Variants in STAG1 observed in about 807,000 individuals in gnomAD.
STAG1 encodes cohesin subunit SA-1.
A neutral mutation model predicts 170.9 loss-of-function variants in STAG1; 26 were observed. The ratio of observed to expected loss-of-function variants is 0.15; its 90% CI spans 0.11 to 0.21. STAG1 has a LOEUF of 0.21. Ranked by LOEUF, STAG1 falls within the 10% of genes least tolerant of loss-of-function variation. The pLI, the probability that STAG1 is intolerant of heterozygous loss-of-function variation, is 1.00. For missense variants in STAG1, 964 were observed against 1,509.5 expected (o/e 0.64, Z 5.99); for synonymous variants, 514 against 497.7 (o/e 1.03, Z -0.44).
At chr3:136,665,605 C>T (rs1201893428) in intron 1 of STAG1, among the ~76,000 whole-genome samples, 1 of 150,880 alleles carries the variant, frequency 6.6e-6, no homozygotes, top group Non-Finnish European at 1.5e-5. Context: ...CAGTGAAACC[C>T]CATCTCTACT....
At chr3:136,426,064 T>C (rs2088112683) in intron 16 of STAG1, among the ~76,000 whole-genome samples, 1 of 151,702 alleles carries the variant, frequency 6.6e-6, no homozygotes, top group African/African-American at 2.4e-5. Flanking sequence ...TGCAGATTTT[T>C]TTCAATAAAC....
chr3:136,593,137 ATGC>A (rs775376234), intron 4 of STAG1, among the ~76,000 whole-genome samples: 1 of 152,156 alleles, frequency 6.6e-6, no homozygotes, highest in Non-Finnish European at 1.5e-5. Context: ...CCAAAAAGGT[ATGC>A]TCACTAAAGT....
At chr3:136,651,663 T>C (rs1202430095) in intron 1 of STAG1, among the ~76,000 whole-genome samples, 1 of 152,024 alleles carries the variant, frequency 6.6e-6, no homozygotes, top group East Asian at 1.9e-4. Context: ...GCAGAAGATA[T>C]AAACCAATAG....
At chr3:136,723,656 G>C (rs558903760) in intron 1 of STAG1, among the ~76,000 whole-genome samples, 32 of 146,528 alleles carry the variant, frequency 2.2e-4, no homozygotes, top group Non-Finnish European at 3.6e-4. Flanking sequence ...GGAGGGAGGT[G>C]GGGGGGTCAG....
intron 9 of STAG1, among the ~76,000 whole-genome samples, chr3:136,478,677 C>G (rs186361491): frequency 7.2e-5 from 11 of 152,236 alleles, no homozygotes; most frequent in Non-Finnish European, 1.5e-4. Flanking sequence ...AGTCTCAGTT[C>G]TCTCTAGGCT....
intron 5 of STAG1, among the ~76,000 whole-genome samples, chr3:136,544,866 C>A (rs1470971606): frequency 6.6e-6 from 1 of 152,110 alleles, no homozygotes; most frequent in East Asian, 1.9e-4. Flanking sequence ...ACACACTTAG[C>A]AAAAGATCCT....
intron 4 of STAG1, among the ~76,000 whole-genome samples, chr3:136,585,540 T>C (rs1048224554): frequency 6.6e-6 from 1 of 151,894 alleles, no homozygotes; most frequent in Non-Finnish European, 1.5e-5. Flanking sequence ...TTGAATGCAG[T>C]GAGCTGAGAT....
At chr3:136,708,265 G>A (rs567828094) in intron 1 of STAG1, among the ~76,000 whole-genome samples, 3 of 151,962 alleles carry the variant, frequency 2.0e-5, no homozygotes, top group Non-Finnish European at 2.9e-5. Flanking sequence ...AATAAATGTG[G>A]TATATACATA....
chr3:136,372,031 T>C (rs937249094), intron 23 of STAG1, among the ~76,000 whole-genome samples: 2 of 152,342 alleles, frequency 1.3e-5, no homozygotes, highest in East Asian at 1.9e-4. Flanking sequence ...TTTTATTTCA[T>C]TGAGCAGTGG....
At chr3:136,615,422 T>TC (rs1391170428) in intron 3 of STAG1, among the ~76,000 whole-genome samples, 2 of 26,654 alleles carry the variant, frequency 7.5e-5, no homozygotes, top group Non-Finnish European at 1.4e-4. Flanking sequence ...CAAGACTTTG[T>TC]CCAAAAAAAA....
At chr3:136,743,641 G>A (rs1375988132) in intron 1 of STAG1, among the ~76,000 whole-genome samples, 1 of 151,902 alleles carries the variant, frequency 6.6e-6, no homozygotes, top group Non-Finnish European at 1.5e-5. Flanking sequence ...AAGTCCAGAT[G>A]GCTTATCACT....
At chr3:136,662,788 C>G (rs1352890434) in intron 1 of STAG1, among the ~76,000 whole-genome samples, 1 of 152,160 alleles carries the variant, frequency 6.6e-6, no homozygotes, top group East Asian at 1.9e-4. Flanking sequence ...TGGTCGCTAA[C>G]ATCTGTTAAT....
intron 1 of STAG1, among the ~76,000 whole-genome samples, chr3:136,704,350 C>A (rs549697766): frequency 6.1e-4 from 92 of 152,060 alleles, no homozygotes; most frequent in Non-Finnish European, 1.2e-3. Flanking sequence ...CGAGCCCAGG[C>A]ATGATTTTTT....
At position 136,443,315 on chromosome 3, in the gene STAG1, T is replaced by C. The variant is rs184801781; in HGVS notation, c.1518A>G (p.Leu506=). 4.3e-6 allele frequency: 7 copies of C among 1,613,338 alleles called. No homozygotes were observed. Among genetic ancestry groups the C allele is most frequent in the East Asian group, 4.5e-5 (2 of 44,840 alleles). Residue 506 remains leucine (L), a synonymous_variant, in exon 15 of 34, where the codon CTA becomes CTG. Coordinates refer to ENST00000383202, the MANE Select transcript of STAG1 (RefSeq NM_005862.3). The stretch of plus-strand genomic sequence containing the variant: ...CCTCTCCTTGAACAGGTTCTTCTAA[T>C]AGCAACTCTGTCATACATTCCCAGT... ...LKDWECMTEL[L]LEEPVQGEEA... is the part of the protein sequence containing the mutation.
chr3:136,589,236 C>T (rs1337731303), intron 4 of STAG1, among the ~76,000 whole-genome samples: 2 of 152,240 alleles, frequency 1.3e-5, no homozygotes, highest in East Asian at 1.9e-4. Flanking sequence ...CAGTGGCACA[C>T]GCCTGTAATC....
intron 1 of STAG1, among the ~76,000 whole-genome samples, chr3:136,635,962 C>T (rs1484973386): frequency 1.3e-5 from 2 of 151,914 alleles, no homozygotes; most frequent in Admixed American, 6.6e-5. Context: ...GTAAGAAATC[C>T]AGAGGCCGGG....
Position 136,604,444 on chromosome 3 carries a change from T to C in STAG1, c.162A>G (p.Pro54=), listed in dbSNP as rs746614763. The C allele has an allele frequency of 1.9e-6, 3 of 1,603,344 alleles. No homozygotes were observed. Among genetic ancestry groups the C allele is most frequent in the Non-Finnish European group, 1.7e-6 (2 of 1,177,210 alleles). Residue 54 remains proline, a synonymous_variant, in exon 4 of 34, where the codon CCA becomes CCG. Transcript: ENST00000383202. ...CAGCTTCAATTCTGCTCTTCTCACCTGGAGATTTTCGAGGTTTCTTATTTG... is the reference window on the plus strand; with the variant it reads ...CAGCTTCAATTCTGCTCTTCTCACCCGGAGATTTTCGAGGTTTCTTATTTG... ...PSTNKKPRKS[P]GEKSRIEAGI... is the part of the protein sequence containing the mutation.
chr3:136,439,604 T>TA (rs1029986803), intron 15 of STAG1, among the ~76,000 whole-genome samples: 1 of 151,808 alleles, frequency 6.6e-6, no homozygotes, highest in Non-Finnish European at 1.5e-5. Context: ...AAAATTACTT[T>TA]AAAAAAAAGT....
intron 6 of STAG1, among the ~76,000 whole-genome samples, chr3:136,522,739 G>T (rs1255336729): frequency 9.1e-6 from 1 of 110,298 alleles, no homozygotes; most frequent in Admixed American, 1.3e-4. Context: ...CCCACGGCAG[G>T]TCCCAGCGTG....
Sources: gnomAD v4.1 joint callset for allele counts (sites outside exome capture counted in the v4.1 genomes callset) on GRCh38, gnomAD v4.1.1 for gene constraint, MANE v1.5 for transcripts, NCBI Gene and HGNC (gene_info 2026-07-23, HGNC 2026-07-21) for gene names.